Variants in IL1RAPL1 observed in about 807,000 individuals in gnomAD.
IL1RAPL1 encodes the protein interleukin 1 receptor accessory protein like 1.
A neutral mutation model predicts 48.4 loss-of-function variants in IL1RAPL1; 3 were observed. The observed-to-expected ratio is 0.06, with a 90% CI of 0.03 to 0.16. IL1RAPL1 has a LOEUF of 0.16. Among genes scored for constraint, IL1RAPL1 ranks in the 10% least tolerant of loss-of-function variants. The pLI is 1.00. For missense variants in IL1RAPL1, 349 were observed against 530.6 expected, an observed-to-expected ratio of 0.66 and a Z score of 3.36; for synonymous variants, 185 against 187.7, an observed-to-expected ratio of 0.99 and a Z score of 0.12.
intron 5 of IL1RAPL1, among the ~76,000 whole-genome samples, chrX:29,606,239 G>A (rs767531914): frequency 4.5e-5 from 5 of 111,872 alleles, no homozygotes; most frequent in Admixed American, 2.9e-4. Flanking sequence ...TTTCATTCAT[G>A]TAGCAAGATG....
chrX:28,751,175 C>G (rs779655848), intron 1 of IL1RAPL1, among the ~76,000 whole-genome samples: 4 of 111,635 alleles, frequency 3.6e-5, no homozygotes, highest in Non-Finnish European at 7.5e-5. Context: ...GATCTTTTGA[C>G]TCTTAAATAT....
At chrX:29,486,321 A>C (rs1348463293) in intron 5 of IL1RAPL1, among the ~76,000 whole-genome samples, 1 of 109,975 alleles carries the variant, frequency 9.1e-6, no homozygotes, top group African/African-American at 3.3e-5. Context: ...CAGTGTTAAA[A>C]ATCATTGCCA....
intron 1 of IL1RAPL1, among the ~76,000 whole-genome samples, chrX:28,768,715 C>CTCTCTCTCTG (rs1936272115): frequency 1.5e-5 from 1 of 64,655 alleles, no homozygotes; most frequent in African/African-American, 6.8e-5. Flanking sequence ...CTCTCTCTCT[C>CTCTCTCTCTG]TCTCTCTCTC....
intron 1 of IL1RAPL1, among the ~76,000 whole-genome samples, chrX:28,618,232 G>T (rs1265897635): frequency 8.9e-6 from 1 of 112,018 alleles, no homozygotes. Flanking sequence ...TTTCTTTTGG[G>T]ATAGTTACAT....
At chrX:29,809,095 C>CT (rs756310966) in intron 6 of IL1RAPL1, among the ~76,000 whole-genome samples, 2 of 75,952 alleles carry the variant, frequency 2.6e-5, no homozygotes, top group African/African-American at 5.2e-5. Context: ...TTTTTTTTTT[C>CT]TTTTTTTTTG....
At chrX:28,845,930 G>T (rs1921496972) in intron 2 of IL1RAPL1, among the ~76,000 whole-genome samples, 1 of 111,583 alleles carries the variant, frequency 9.0e-6, no homozygotes, top group South Asian at 3.7e-4. Context: ...AGCTTATTGT[G>T]TTGACACATC....
intron 5 of IL1RAPL1, among the ~76,000 whole-genome samples, chrX:29,637,416 G>A (rs1222930555): frequency 9.1e-6 from 1 of 109,747 alleles, no homozygotes; most frequent in African/African-American, 3.3e-5. Flanking sequence ...GAAAAGATCT[G>A]GATGTGGTTT....
intron 2 of IL1RAPL1, among the ~76,000 whole-genome samples, chrX:28,927,289 A>T (rs1340454134): frequency 9.0e-6 from 1 of 111,191 alleles, no homozygotes; most frequent in Non-Finnish European, 1.9e-5. Context: ...TGGACTCTGG[A>T]TTTCATTTAC....
intron 6 of IL1RAPL1, among the ~76,000 whole-genome samples, chrX:29,727,061 T>C (rs1314620866): frequency 8.9e-6 from 1 of 111,740 alleles, no homozygotes; most frequent in Non-Finnish European, 1.9e-5. Flanking sequence ...CTGTTGTCAC[T>C]GCTCTATAAT....
chrX:29,362,219 T>C (rs905529825), intron 3 of IL1RAPL1, among the ~76,000 whole-genome samples: 1 of 112,567 alleles, frequency 8.9e-6, no homozygotes, highest in African/African-American at 3.2e-5. Flanking sequence ...TTGAAATGTA[T>C]TTCTTCTTAA....
intron 6 of IL1RAPL1, among the ~76,000 whole-genome samples, chrX:29,688,949 C>G (rs1926706333): frequency 9.0e-6 from 1 of 111,024 alleles, no homozygotes; most frequent in Admixed American, 9.6e-5. Flanking sequence ...GGAAACATCC[C>G]TCTAACCCTT....
Position 29,007,527 on chromosome X carries a change from A to G in IL1RAPL1, c.82+218102A>G, listed in dbSNP as rs144739883. The stretch of plus-strand genomic sequence containing the variant: ...AAACCCTTTCCCCAAAAAAGTAAAA[A>G]TAAAGCTGGATAACATTGATAAAAC... On this transcript the variant is annotated intron_variant, in intron 2 of 10. Transcript: ENST00000378993. 5.9e-3 allele frequency among the ~76,000 whole-genome samples: 662 copies of G among 112,149 alleles called. 3 individuals carry two copies. The highest frequency in any genetic ancestry group is 0.01 in the Non-Finnish European group (542 of 53,203).
At chrX:28,657,013 C>G (rs952883357) in intron 1 of IL1RAPL1, among the ~76,000 whole-genome samples, 1 of 93,425 alleles carries the variant, frequency 1.1e-5, no homozygotes, top group African/African-American at 4.2e-5. Context: ...GGCAACAGAT[C>G]GAGACTCTAC....
chrX:29,161,047 G>A (rs1179664368), intron 2 of IL1RAPL1, among the ~76,000 whole-genome samples: 4 of 108,200 alleles, frequency 3.7e-5, no homozygotes, highest in African/African-American at 1.0e-4. Context: ...GGTGCAAAGC[G>A]AGACTCTGTC....
In IL1RAPL1 at chrX:29,283,138, A is replaced by C. The variant is rs776507908; in HGVS notation, c.283A>C (p.Arg95=). 23 of 1,211,667 alleles carry C rather than the reference A, an allele frequency of 1.9e-5. No individual in the cohort carries two copies. The South Asian group carries it at 3.9e-4, about 20-fold the overall frequency. The part of the protein sequence containing the change: ...FEEPIAFDGS[R]MSKEEDSIWF... Reference sequence around the variant, plus strand: ...AGAGCCAATAGCCTTTGACGGAAGTAGAATGAGCAAAGAAGAAGACTCCAT... The same window carrying C: ...AGAGCCAATAGCCTTTGACGGAAGTCGAATGAGCAAAGAAGAAGACTCCAT... The change falls in exon 3 of 11, where the codon AGA becomes CGA. Residue 95 remains arginine, a synonymous_variant. Transcript: ENST00000378993.
chrX:29,155,696 G>A (rs1001984858), intron 2 of IL1RAPL1, among the ~76,000 whole-genome samples: 4 of 111,556 alleles, frequency 3.6e-5, no homozygotes, highest in African/African-American at 9.8e-5. Flanking sequence ...CTTGAATATG[G>A]TAATTTCAAA....
intron 2 of IL1RAPL1, among the ~76,000 whole-genome samples, chrX:28,807,881 A>G (rs187561459): frequency 9.9e-5 from 11 of 110,775 alleles, no homozygotes; most frequent in Admixed American, 7.8e-4. Context: ...CAAATGTTCT[A>G]GTGATGACTG....
intron 5 of IL1RAPL1, among the ~76,000 whole-genome samples, chrX:29,461,825 C>T (rs1169867857): frequency 8.9e-6 from 1 of 111,780 alleles, no homozygotes; most frequent in East Asian, 2.8e-4. Context: ...ACTATAGAGA[C>T]AGAGGCAAAA....
rs56950481 is a variant in IL1RAPL1 at position 29,203,722 on chromosome X, A to AATATATATATATATATAT, written c.83-79194_83-79177dup. Among the ~76,000 whole-genome samples, 15 of 78,410 alleles carry AATATATATATATATATAT rather than the reference A, an allele frequency of 1.9e-4. 1 individual carries two copies. Among genetic ancestry groups the AATATATATATATATATAT allele is most frequent in the African/African-American group, 6.5e-4 (12 of 18,505 alleles). The allele number at this position is 78,410 out of a possible 115,157, so 68.1% of individuals were successfully genotyped here. A position where few individuals can be genotyped will look rare whatever the true frequency, so the allele number is the denominator to read the frequency against. Reference sequence around the variant, plus strand: ...CAACAAGAGCAAAACTCCGTCTCAAAATATATATATATATATATATATATA... The same window carrying AATATATATATATATATAT: ...CAACAAGAGCAAAACTCCGTCTCAAAATATATATATATATATATATATATATATATATATATATATATA... On this transcript the variant is annotated intron_variant, in intron 2 of 10. Coordinates refer to ENST00000378993, the MANE Select transcript of IL1RAPL1 (RefSeq NM_014271.4).
Sources: gnomAD v4.1 joint callset for allele counts (sites outside exome capture counted in the v4.1 genomes callset) on GRCh38, gnomAD v4.1.1 for gene constraint, MANE v1.5 for transcripts, NCBI Gene and HGNC (gene_info 2026-07-23, HGNC 2026-07-21) for gene names.